Variants in ZEB1 observed in about 807,000 individuals in gnomAD.
ZEB1 encodes zinc finger E-box binding homeobox 1.
ZEB1 carries 21 observed loss-of-function variants against 84.9 expected under a neutral mutation model. That is an observed-to-expected ratio of 0.25 (90% CI 0.18 to 0.36). The LOEUF is 0.36. ZEB1 is among the 10% of genes least tolerant of loss of function. The pLI is 1.00. For synonymous variants in ZEB1, 420 were observed against 471.1 expected, an observed-to-expected ratio of 0.89 and a Z score of 1.41; for missense variants, 1,104 against 1,330.2, an observed-to-expected ratio of 0.83 and a Z score of 2.65.
At chr10:31,411,261 C>T (rs2054187371) in intron 1 of ZEB1, among the ~76,000 whole-genome samples, 1 of 152,124 alleles carries the variant, frequency 6.6e-6, no homozygotes, top group African/African-American at 2.4e-5. Flanking sequence ...TCCTGAATGA[C>T]TACTGGGTAA....
At chr10:31,490,704 T>C (rs975373655) in intron 2 of ZEB1, among the ~76,000 whole-genome samples, 18 of 151,892 alleles carry the variant, frequency 1.2e-4, no homozygotes, top group Non-Finnish European at 2.5e-4. Flanking sequence ...TCTTTTCCTA[T>C]GTGACTTGAG....
intron 3 of ZEB1, among the ~76,000 whole-genome samples, chr10:31,496,493 G>A (rs894885539): frequency 1.3e-5 from 2 of 151,998 alleles, no homozygotes; most frequent in African/African-American, 4.8e-5. Flanking sequence ...CAAAAGAGTA[G>A]GTGGAAAAAT....
chr10:31,412,490 A>G (rs974326700), intron 1 of ZEB1, among the ~76,000 whole-genome samples: 9 of 151,964 alleles, frequency 5.9e-5, no homozygotes, highest in Non-Finnish European at 1.2e-4. Flanking sequence ...ATTCCTACCT[A>G]TGAGTGAGAA....
intron 2 of ZEB1, among the ~76,000 whole-genome samples, chr10:31,484,568 C>T (rs1212970969): frequency 6.6e-6 from 1 of 151,958 alleles, no homozygotes; most frequent in Non-Finnish European, 1.5e-5. Context: ...AGTCTGTAAA[C>T]TATGCCATTA....
chr10:31,367,727 G>A (rs905306743), intron 1 of ZEB1, among the ~76,000 whole-genome samples: 6 of 152,112 alleles, frequency 3.9e-5, no homozygotes, highest in Non-Finnish European at 8.8e-5. Flanking sequence ...TGATATGAAT[G>A]TAAACTGGTT....
At chr10:31,453,178 A>G (rs1323332161) in intron 1 of ZEB1, among the ~76,000 whole-genome samples, 2 of 152,168 alleles carry the variant, frequency 1.3e-5, no homozygotes, top group African/African-American at 4.8e-5. Flanking sequence ...GGCATAACAT[A>G]ATAAGGGTGT....
At chr10:31,430,577 T>A (rs161264) in intron 1 of ZEB1, among the ~76,000 whole-genome samples, 37,941 of 152,110 alleles carry the variant, frequency 0.25, 10,480 homozygotes, top group African/African-American at 0.69. Context: ...TAAAATGTAA[T>A]CCTATTTGAA....
intron 1 of ZEB1, among the ~76,000 whole-genome samples, chr10:31,327,828 T>G (rs937789288): frequency 1.3e-5 from 2 of 152,208 alleles, no homozygotes; most frequent in Non-Finnish European, 2.9e-5. Flanking sequence ...TGTACAACAT[T>G]CTACATTTTG....
At chr10:31,368,302 C>T (rs758979100) in intron 1 of ZEB1, among the ~76,000 whole-genome samples, 6 of 152,028 alleles carry the variant, frequency 3.9e-5, no homozygotes, top group South Asian at 2.1e-4. Flanking sequence ...ACCACAGGCA[C>T]GCACCACCAT....
intron 1 of ZEB1, chr10:31,361,067 T>A: frequency 6.2e-7 from 1 of 1,611,768 alleles, no homozygotes; most frequent in Non-Finnish European, 8.5e-7. Flanking sequence ...ATAATCAGAC[T>A]TCTTTTCTCT....
At position 31,417,177 on chromosome 10, in the gene ZEB1, C is replaced by T. The variant is rs563987091; in HGVS notation, c.59-43860C>T. ...TTGGTTATCAAATCTAAACTAAACT[C>T]AGCCTAAAAATTTAGAGTTCTCCAA... On this transcript the variant is annotated intron_variant, in intron 1 of 8. Transcript: ENST00000424869. Among the ~76,000 whole-genome samples the T allele has an allele frequency of 2.6e-5, 4 of 152,112 alleles. No individual in the cohort carries two copies. In the East Asian group the frequency reaches 7.7e-4, roughly 29 times the overall value.
chr10:31,450,933 C>G (rs1275870130), intron 1 of ZEB1, among the ~76,000 whole-genome samples: 2 of 151,564 alleles, frequency 1.3e-5, no homozygotes, highest in Non-Finnish European at 2.9e-5. Flanking sequence ...TGTGCACATG[C>G]ATGTATATCC....
At chr10:31,321,411 T>C in intron 1 of ZEB1, 2 of 1,607,796 alleles carry the variant, frequency 1.2e-6, no homozygotes, top group East Asian at 4.5e-5. Flanking sequence ...TGTGGAGAGA[T>C]GACTTGTTAT....
rs191108940 is a variant in ZEB1, at chr10:31,336,501, A to G, written c.58+17209A>G. Among the ~76,000 whole-genome samples the G allele has an allele frequency of 2.6e-5, 4 of 152,282 alleles. No homozygotes were observed. In the East Asian group the frequency reaches 5.8e-4, roughly 22 times the overall value. On this transcript the variant is annotated intron_variant, in intron 1 of 8. Transcript: ENST00000424869. ...AGAATATCTCTATGACTTTGAGTAAAGATAAAAAGGCATAAAACACAGAGC... is the reference window on the plus strand; with the variant it reads ...AGAATATCTCTATGACTTTGAGTAAGGATAAAAAGGCATAAAACACAGAGC...
chr10:31,473,471 A>C (rs1362149641), intron 2 of ZEB1, among the ~76,000 whole-genome samples: 1 of 152,226 alleles, frequency 6.6e-6, no homozygotes, highest in South Asian at 2.1e-4. Context: ...TGCTTCAAAC[A>C]GAATAAAATA....
At chr10:31,472,462 A>G (rs1405155648) in intron 2 of ZEB1, among the ~76,000 whole-genome samples, 6 of 152,120 alleles carry the variant, frequency 3.9e-5, no homozygotes, top group Admixed American at 2.6e-4. Flanking sequence ...ATCTAGAAGA[A>G]ATGGATACAT....
In ZEB1 at chr10:31,495,800, T is replaced by C. The variant is rs767954422; in HGVS notation, c.284T>C (p.Leu95Pro). Reference sequence around the variant, plus strand: ...GCAGGAAAGGAAGGGCAAGAAATCCTGGGGCCTGAAGCTCAGGCAGATGAA... The same window carrying C: ...GCAGGAAAGGAAGGGCAAGAAATCCCGGGGCCTGAAGCTCAGGCAGATGAA... ...DDTGKEGQEILGPEAQADEAG... is the reference protein window; with the variant it reads ...DDTGKEGQEIPGPEAQADEAG... The change falls in exon 3 of 9, where the codon CTG becomes CCG. Residue 95 changes from leucine to proline, a missense_variant. By Grantham distance (98) the Leu-to-Pro change is moderately conservative. Transcript: ENST00000424869. The C allele has an allele frequency of 1.9e-6, 3 of 1,613,062 alleles. No homozygotes were observed. Among genetic ancestry groups the C allele is most frequent in the African/African-American group, 2.7e-5 (2 of 74,988 alleles).
At chr10:31,327,890 C>T (rs1265324459) in intron 1 of ZEB1, among the ~76,000 whole-genome samples, 1 of 152,044 alleles carries the variant, frequency 6.6e-6, no homozygotes, top group Non-Finnish European at 1.5e-5. Flanking sequence ...ATTTATGTTT[C>T]TCTGTTTATT....
chr10:31,488,950 G>T (rs1316896425), intron 2 of ZEB1, among the ~76,000 whole-genome samples: 3 of 151,136 alleles, frequency 2.0e-5, no homozygotes, highest in African/African-American at 7.3e-5. Context: ...CGTCATTGGG[G>T]TGTGTTCTAT....
Sources: gnomAD v4.1 joint callset for allele counts (sites outside exome capture counted in the v4.1 genomes callset) on GRCh38, gnomAD v4.1.1 for gene constraint, MANE v1.5 for transcripts, NCBI Gene and HGNC (gene_info 2026-07-23, HGNC 2026-07-21) for gene names.